SPOCK1: variants seen among roughly 807,000 people sequenced by gnomAD.
SPOCK1 encodes the protein testican-1.
A neutral mutation model predicts 55.3 loss-of-function variants in SPOCK1; 23 were observed. The observed-to-expected ratio is 0.42, with a 90% CI of 0.30 to 0.59. The LOEUF (loss-of-function observed/expected upper bound fraction) is 0.59, where lower values mean the gene tolerates loss of function less well. Ranked by LOEUF, SPOCK1 falls within the 20% of genes least tolerant of loss-of-function variation. SPOCK1 has a pLI of 0.22. For missense variants in SPOCK1, 499 were observed against 552.5 expected (o/e 0.90, Z 0.97); for synonymous variants, 226 against 221.0 (o/e 1.02, Z -0.20).
intron 6 of SPOCK1, among the ~76,000 whole-genome samples, chr5:137,009,806 A>G (rs576881856): frequency 2.0e-5 from 3 of 152,124 alleles, no homozygotes; most frequent in African/African-American, 7.2e-5. Context: ...CAATTCCAGC[A>G]CTCCCTAAAT....
chr5:137,259,903 C>T (rs1756713721), intron 3 of SPOCK1, among the ~76,000 whole-genome samples: 1 of 152,082 alleles, frequency 6.6e-6, no homozygotes, highest in African/African-American at 2.4e-5. Context: ...AGTTAAAAGG[C>T]CCATTTAATT....
chr5:137,384,412 G>A (rs1002750215), intron 2 of SPOCK1, among the ~76,000 whole-genome samples: 9 of 152,056 alleles, frequency 5.9e-5, no homozygotes, highest in Non-Finnish European at 1.2e-4. Context: ...GCACTCACCA[G>A]GTATGCCACC....
intron 3 of SPOCK1, among the ~76,000 whole-genome samples, chr5:137,172,227 A>G: frequency 6.6e-6 from 1 of 152,200 alleles, no homozygotes; most frequent in Non-Finnish European, 1.5e-5. Context: ...AGCTTAACCC[A>G]CAGAAAGTGC....
At chr5:137,245,783 A>AG (rs1561483026) in intron 3 of SPOCK1, among the ~76,000 whole-genome samples, 2 of 130,046 alleles carry the variant, frequency 1.5e-5, no homozygotes, top group Non-Finnish European at 3.6e-5. Flanking sequence ...AAACAAAAAA[A>AG]AAACAAAAAA....
intron 6 of SPOCK1, among the ~76,000 whole-genome samples, chr5:137,015,591 C>A (rs1166486927): frequency 6.6e-6 from 1 of 152,178 alleles, no homozygotes; most frequent in East Asian, 1.9e-4. Context: ...ACAGTCAGAG[C>A]CCTAAAAGGT....
chr5:137,081,661 G>A (rs556429388), intron 5 of SPOCK1, among the ~76,000 whole-genome samples: 2 of 152,308 alleles, frequency 1.3e-5, no homozygotes, highest in Non-Finnish European at 2.9e-5. Flanking sequence ...GACCAAAAAT[G>A]CCAAAGCAGA....
chr5:137,312,887 A>G (rs1018639599), intron 2 of SPOCK1, among the ~76,000 whole-genome samples: 1 of 152,178 alleles, frequency 6.6e-6, no homozygotes, highest in East Asian at 1.9e-4. Context: ...ACTAAATGCT[A>G]CTGGAGGAGG....
At chr5:137,304,674 G>A (rs1757672272) in intron 2 of SPOCK1, among the ~76,000 whole-genome samples, 1 of 152,154 alleles carries the variant, frequency 6.6e-6, no homozygotes, top group Admixed American at 6.5e-5. Flanking sequence ...CTTTTCAATT[G>A]AGGAGCAAGA....
intron 5 of SPOCK1, among the ~76,000 whole-genome samples, chr5:137,081,257 C>G (rs556728040): frequency 6.6e-6 from 1 of 152,224 alleles, no homozygotes; most frequent in Admixed American, 6.5e-5. Flanking sequence ...CACCTCTCCT[C>G]GCTTACCTAC....
chr5:137,402,524 C>CT lies in SPOCK1; in HGVS notation c.186+95848_186+95849insA, dbSNP rs374657263. Among the ~76,000 whole-genome samples, 452 of 152,244 alleles carry CT rather than the reference C, an allele frequency of 3.0e-3. 2 individuals are homozygous for CT. The highest frequency in any genetic ancestry group is 0.01 in the African/African-American group (436 of 41,538). ...ATTTCATCTTTGACTGAAATTAATT[C>CT]CTTTTAGTAAGAATGGCAGTGAAAA... On this transcript the variant is annotated intron_variant, in intron 2 of 10. Coordinates refer to ENST00000394945, the MANE Select transcript of SPOCK1 (RefSeq NM_004598.4).
At chr5:137,050,836 A>G (rs2126997532) in intron 6 of SPOCK1, among the ~76,000 whole-genome samples, 1 of 152,364 alleles carries the variant, frequency 6.6e-6, no homozygotes, top group East Asian at 1.9e-4. Context: ...TTCATTCACA[A>G]AAAGCAATCT....
chr5:136,990,994 T>C (rs1453556488), intron 7 of SPOCK1, among the ~76,000 whole-genome samples: 1 of 152,108 alleles, frequency 6.6e-6, no homozygotes, highest in Non-Finnish European at 1.5e-5. Flanking sequence ...ACTCCTAGAC[T>C]CAAATGCCGC....
intron 3 of SPOCK1, among the ~76,000 whole-genome samples, chr5:137,148,950 G>C (rs1415415046): frequency 2.0e-5 from 3 of 151,972 alleles, no homozygotes; most frequent in African/African-American, 7.3e-5. Context: ...CCTTCCCCAA[G>C]ATTCATGTTA....
At chr5:137,319,328 C>A (rs1470357479) in intron 2 of SPOCK1, among the ~76,000 whole-genome samples, 3 of 152,220 alleles carry the variant, frequency 2.0e-5, no homozygotes, top group Non-Finnish European at 2.9e-5. Flanking sequence ...ACAAGCAATG[C>A]TCCATGGCTA....
intron 3 of SPOCK1, among the ~76,000 whole-genome samples, chr5:137,197,044 C>A (rs983240084): frequency 1.3e-5 from 2 of 152,198 alleles, no homozygotes; most frequent in Admixed American, 6.5e-5. Context: ...TGCCAGGATA[C>A]CCACCTGAGG....
chr5:137,040,414 T>A (rs1254834320), intron 6 of SPOCK1, among the ~76,000 whole-genome samples: 2 of 152,184 alleles, frequency 1.3e-5, no homozygotes, highest in Non-Finnish European at 2.9e-5. Flanking sequence ...AGAGAAGAGA[T>A]AAGTGCTGGA....
At chr5:137,472,411 C>T (rs1753754781) in intron 2 of SPOCK1, among the ~76,000 whole-genome samples, 1 of 151,892 alleles carries the variant, frequency 6.6e-6, no homozygotes, top group Non-Finnish European at 1.5e-5. Flanking sequence ...ACTAACATTT[C>T]ACTGAGATCA....
intron 2 of SPOCK1, among the ~76,000 whole-genome samples, chr5:137,467,575 G>A (rs1432645111): frequency 1.3e-5 from 2 of 152,190 alleles, no homozygotes; most frequent in Non-Finnish European, 2.9e-5. Flanking sequence ...GGTGTGACAA[G>A]GGCAATGAAG....
chr5:137,406,033 C>T (rs559187211), intron 2 of SPOCK1, among the ~76,000 whole-genome samples: 1 of 152,346 alleles, frequency 6.6e-6, no homozygotes, highest in Admixed American at 6.5e-5. Flanking sequence ...CAAGCTGTGG[C>T]TCTCCAGGTT....
Sources: gnomAD v4.1 joint callset for allele counts (sites outside exome capture counted in the v4.1 genomes callset) on GRCh38, gnomAD v4.1.1 for gene constraint, MANE v1.5 for transcripts, NCBI Gene and HGNC (gene_info 2026-07-23, HGNC 2026-07-21) for gene names.